Variants in ADK observed in about 807,000 individuals in gnomAD.
The protein encoded by ADK is N6,N6-dimethyladenosine kinase.
In ADK, 24 loss-of-function variants were observed where a neutral mutation model predicts 44.7. The observed-to-expected ratio is 0.54, with a 90% confidence interval of 0.39 to 0.76. The LOEUF (loss-of-function observed/expected upper bound fraction) is 0.76. Ranked by LOEUF, ADK falls within the 30% of genes least tolerant of loss-of-function variation. The probability of loss-of-function intolerance (pLI) is 0.00; values close to 1 mark genes in which losing one functional copy is unlikely to be tolerated. For synonymous variants in ADK, 128 were observed against 142.6 expected, an observed-to-expected ratio of 0.90 and a Z score of 0.73; for missense variants, 321 against 425.1, an observed-to-expected ratio of 0.76 and a Z score of 2.15.
At chr10:74,505,412 A>G (rs1848029499) in intron 6 of ADK, among the ~76,000 whole-genome samples, 1 of 151,636 alleles carries the variant, frequency 6.6e-6, no homozygotes, top group Non-Finnish European at 1.5e-5. Flanking sequence ...ATTTGGAAGC[A>G]CTCATCTCCA....
intron 2 of ADK, among the ~76,000 whole-genome samples, chr10:74,212,840 G>A (rs113443434): frequency 1.3e-4 from 1 of 7,722 alleles, no homozygotes; most frequent in Admixed American, 2.0e-3. Context: ...GGAAGAGAGT[G>A]CAGTAATACT....
chr10:74,219,066 A>C (rs1183174943), intron 2 of ADK, among the ~76,000 whole-genome samples: 1 of 152,194 alleles, frequency 6.6e-6, no homozygotes, highest in Admixed American at 6.5e-5. Context: ...TAAAAGACAC[A>C]GACTGGCAAA....
At chr10:74,587,479 G>T (rs1384908928) in intron 7 of ADK, among the ~76,000 whole-genome samples, 2 of 152,104 alleles carry the variant, frequency 1.3e-5, no homozygotes, top group East Asian at 3.8e-4. Flanking sequence ...CCTCAAAATG[G>T]TTCTCTAACC....
chr10:74,438,680 T>C (rs1235098224), intron 6 of ADK, among the ~76,000 whole-genome samples: 1 of 152,182 alleles, frequency 6.6e-6, no homozygotes, highest in African/African-American at 2.4e-5. Flanking sequence ...AATTCATTGA[T>C]GGTGTTCTCT....
At chr10:74,168,564 A>G (rs1842090081) in intron 1 of ADK, among the ~76,000 whole-genome samples, 1 of 151,580 alleles carries the variant, frequency 6.6e-6, no homozygotes, top group African/African-American at 2.4e-5. Flanking sequence ...AAGAAAGAAA[A>G]AAAAGATTGT....
intron 10 of ADK, among the ~76,000 whole-genome samples, chr10:74,707,459 C>A (rs1267460582): frequency 6.6e-6 from 1 of 151,872 alleles, no homozygotes; most frequent in Non-Finnish European, 1.5e-5. Context: ...GATTTTGAGA[C>A]CCTATCAACA....
chr10:74,464,839 A>AAAAAAGAGAGAG (rs113728778), intron 6 of ADK, among the ~76,000 whole-genome samples: 91,191 of 150,750 alleles, frequency 0.6, 29,947 homozygotes, highest in Middle Eastern at 0.77. Context: ...CTATTTAAGA[A>AAAAAAGAGAGAG]AAAAAGAGAG....
intron 1 of ADK, among the ~76,000 whole-genome samples, chr10:74,165,995 T>G (rs1175098670): frequency 6.6e-6 from 1 of 152,218 alleles, no homozygotes; most frequent in African/African-American, 2.4e-5. Context: ...TTGCCCAGGC[T>G]GGAGTGCAGT....
At chr10:74,278,250 A>G (rs1224864092) in intron 3 of ADK, among the ~76,000 whole-genome samples, 3 of 150,560 alleles carry the variant, frequency 2.0e-5, no homozygotes, top group Non-Finnish European at 4.4e-5. Context: ...GCTACTCGGG[A>G]GGCTGAGACA....
intron 4 of ADK, among the ~76,000 whole-genome samples, chr10:74,330,622 T>C (rs1592056587): frequency 1.3e-5 from 2 of 152,198 alleles, no homozygotes. Flanking sequence ...TTATTTTTTC[T>C]TGGGACACCC....
At chr10:74,267,079 G>T (rs1048539203) in intron 3 of ADK, among the ~76,000 whole-genome samples, 1 of 152,180 alleles carries the variant, frequency 6.6e-6, no homozygotes, top group Non-Finnish European at 1.5e-5. Context: ...CATTTCCATT[G>T]TATTAGATAT....
chr10:74,545,986 G>T (rs1314577436), intron 7 of ADK, among the ~76,000 whole-genome samples: 11 of 152,074 alleles, frequency 7.2e-5, no homozygotes, highest in Non-Finnish European at 1.6e-4. Flanking sequence ...TCTTAGCAAG[G>T]TATTAATGCA....
chr10:74,594,704 T>C (rs995897649), intron 8 of ADK, among the ~76,000 whole-genome samples: 1 of 151,582 alleles, frequency 6.6e-6, no homozygotes, highest in African/African-American at 2.4e-5. Flanking sequence ...GAGAGTATGT[T>C]CTTTGATTTG....
At chr10:74,588,644 G>A (rs1014936702) in intron 7 of ADK, among the ~76,000 whole-genome samples, 1 of 152,136 alleles carries the variant, frequency 6.6e-6, no homozygotes, top group African/African-American at 2.4e-5. Flanking sequence ...AGAATATTTG[G>A]TGATCCCACT....
intron 9 of ADK, among the ~76,000 whole-genome samples, chr10:74,620,074 GCATATC>G (rs1852930425): frequency 1.3e-5 from 2 of 152,198 alleles, no homozygotes; most frequent in African/African-American, 4.8e-5. Flanking sequence ...AGAGCAATTA[GCATATC>G]CATCATCTCA....
At chr10:74,636,836 CATTCTAGCCAG>C (rs1416777930) in intron 9 of ADK, among the ~76,000 whole-genome samples, 1 of 152,144 alleles carries the variant, frequency 6.6e-6, no homozygotes, top group African/African-American at 2.4e-5. Flanking sequence ...CAAAGAACAA[CATTCTAGCCAG>C]AAGAAACAGC....
intron 3 of ADK, among the ~76,000 whole-genome samples, chr10:74,260,020 C>T (rs1017025133): frequency 6.6e-6 from 1 of 151,898 alleles, no homozygotes; most frequent in African/African-American, 2.4e-5. Flanking sequence ...TCAGGGAACC[C>T]CTAGGACTCT....
intron 9 of ADK, among the ~76,000 whole-genome samples, chr10:74,663,183 C>T (rs1399980882): frequency 6.7e-6 from 1 of 149,688 alleles, no homozygotes; most frequent in East Asian, 2.0e-4. Context: ...TGAAGTGAGC[C>T]AAGACCACAC....
chr10:74,385,556 A>G (rs1430354026), intron 4 of ADK, among the ~76,000 whole-genome samples: 1 of 152,220 alleles, frequency 6.6e-6, no homozygotes, highest in Non-Finnish European at 1.5e-5. Context: ...TAATTACAAT[A>G]ATGTCCAACA....
Sources: allele counts gnomAD v4.1 joint callset (sites outside exome capture counted in the v4.1 genomes callset), GRCh38; gene constraint gnomAD v4.1.1; transcripts MANE v1.5; gene names NCBI Gene and HGNC (gene_info 2026-07-23, HGNC 2026-07-21).